The following SYNE1 variants were observed in gnomAD, a reference collection of about 807,000 sequenced individuals.
SYNE1 encodes the protein spectrin repeat containing nuclear envelope protein 1.
In SYNE1, 616 loss-of-function variants were observed where a neutral mutation model predicts 1,111.0. The ratio of observed to expected loss-of-function variants is 0.55; its 90% confidence interval spans 0.52 to 0.59. The LOEUF is 0.59. Ranked by LOEUF, SYNE1 falls within the 20% of genes least tolerant of loss-of-function variation. SYNE1 has a pLI of 0.00. For synonymous variants in SYNE1, 3,855 were observed against 3,825.8 expected (o/e 1.01, Z -0.28); for missense variants, 10,006 against 10,417.0 (o/e 0.96, Z 1.72).
intron 4 of SYNE1, among the ~76,000 whole-genome samples, chr6:152,534,225 T>A (rs2099222362): frequency 6.6e-6 from 1 of 151,912 alleles, no homozygotes; most frequent in Non-Finnish European, 1.5e-5. Flanking sequence ...AATAAAATAA[T>A]ATATTTCTAA....
chr6:152,405,659 T>C (rs1022913405), intron 45 of SYNE1, among the ~76,000 whole-genome samples: 1 of 152,200 alleles, frequency 6.6e-6, no homozygotes, highest in Middle Eastern at 3.2e-3. Flanking sequence ...AATTGACTTT[T>C]GCAAGCTGGT....
intron 92 of SYNE1, among the ~76,000 whole-genome samples, chr6:152,301,141 G>A (rs2095146601): frequency 1.3e-5 from 2 of 152,262 alleles, no homozygotes; most frequent in East Asian, 1.9e-4. Context: ...TTGGTCTTTT[G>A]TGGACATCTC....
chr6:152,636,405 G>A (rs902127241), intron 2 of SYNE1, among the ~76,000 whole-genome samples: 1 of 152,208 alleles, frequency 6.6e-6, no homozygotes, highest in Non-Finnish European at 1.5e-5. Context: ...TATTAATAGG[G>A]ACATCTACGT....
At chr6:152,485,076 CAATAT>C in intron 12 of SYNE1, 104 bp from the exon 13 acceptor site, 1 of 1,252,854 alleles carries the variant, frequency 8.0e-7, no homozygotes, top group Non-Finnish European at 1.1e-6. Context: ...GGATAACACT[CAATAT>C]ATGTTGTTGA....
chr6:152,525,571 A>C (rs2154353288), intron 5 of SYNE1, among the ~76,000 whole-genome samples: 1 of 152,336 alleles, frequency 6.6e-6, no homozygotes, highest in Non-Finnish European at 1.5e-5. Context: ...TCCACAGCAC[A>C]TAAAAACAAC....
intron 130 of SYNE1, among the ~76,000 whole-genome samples, chr6:152,176,191 C>T (rs1271848335): frequency 6.6e-6 from 1 of 152,034 alleles, no homozygotes; most frequent in African/African-American, 2.4e-5. Flanking sequence ...TACATACAAA[C>T]AACATGAGAT....
chr6:152,144,267 G>C (rs2059058033), intron 137 of SYNE1: 1 of 213,552 alleles, frequency 4.7e-6, no homozygotes, highest in South Asian at 8.1e-5. Context: ...TTTACTGAAG[G>C]CATAAATTCA....
intron 4 of SYNE1, among the ~76,000 whole-genome samples, chr6:152,530,031 T>C (rs1253392558): frequency 6.6e-6 from 1 of 152,192 alleles, no homozygotes; most frequent in African/African-American, 2.4e-5. Flanking sequence ...TCACTATAAA[T>C]ATAGTGTGGC....
In SYNE1 at chr6:152,236,283, A is replaced by G. The variant is rs1490620778; in HGVS notation, c.20220T>C (p.Asn6740=). The change falls in exon 110 of 146, where the codon AAT becomes AAC. Residue 6740 remains asparagine, a synonymous_variant. Coordinates refer to ENST00000367255, the MANE Select transcript of SYNE1 (RefSeq NM_182961.4). ...TLYQHLKSSL[N]EYQPKLYQVL... is the part of the protein sequence containing the mutation. The stretch of plus-strand genomic sequence containing the variant: ...CTTGATATAATTTGGGCTGGTATTC[A>G]TTAAGGCTAGATTTTAAATGCTAAA... 1.2e-6 allele frequency: 2 copies of G among 1,613,482 alleles called. No individual in the cohort carries two copies. Among genetic ancestry groups the G allele is most frequent in the East Asian group, 4.5e-5 (2 of 44,858 alleles).
chr6:152,394,907 C>T (rs537767795), intron 51 of SYNE1, among the ~76,000 whole-genome samples: 9 of 150,734 alleles, frequency 6.0e-5, no homozygotes, highest in Non-Finnish European at 1.0e-4. Flanking sequence ...CTCAGCCTCC[C>T]GGGTAGCTGG....
intron 128 of SYNE1, among the ~76,000 whole-genome samples, chr6:152,186,892 T>C (rs2070281694): frequency 6.6e-6 from 1 of 152,162 alleles, no homozygotes; most frequent in African/African-American, 2.4e-5. Flanking sequence ...CTGTGATAAT[T>C]TCCCACAATT....
At chr6:152,368,865 C>A (rs2097129865) in intron 61 of SYNE1, 107 bp downstream of exon 61, 1 of 1,444,280 alleles carries the variant, frequency 6.9e-7, no homozygotes, top group East Asian at 2.3e-5. Context: ...CCTGGAGACC[C>A]ACACTGTGGG....
chr6:152,206,294 G>C lies in SYNE1; in HGVS notation c.22893C>G (p.Leu7631=), dbSNP rs976720051. The change falls in exon 126 of 146, where the codon CTC becomes CTG. Residue 7631 remains leucine, a synonymous_variant. Coordinates refer to ENST00000367255, the MANE Select transcript of SYNE1 (RefSeq NM_182961.4). The stretch of plus-strand genomic sequence containing the variant: ...CAGCGCCACTGTCCGCCGAGAGAAG[G>C]AGTTGCTTGCCAGCCTCCACAGTCA... ...YILTVEAGKQ[L]LLSADSGAEA... 3.1e-6 allele frequency: 5 copies of C among 1,614,050 alleles called. No homozygotes were observed. Among genetic ancestry groups the C allele is most frequent in the Non-Finnish European group, 4.2e-6 (5 of 1,180,020 alleles).
At chr6:152,129,888 C>A (rs555974911) in intron 145 of SYNE1, among the ~76,000 whole-genome samples, 26 of 152,240 alleles carry the variant, frequency 1.7e-4, no homozygotes, top group African/African-American at 5.5e-4. Flanking sequence ...AAACAGGCTC[C>A]GAGGACAGTG....
chr6:152,150,540 T>A (rs1184865720), intron 135 of SYNE1, among the ~76,000 whole-genome samples: 3 of 152,248 alleles, frequency 2.0e-5, no homozygotes, highest in Non-Finnish European at 4.4e-5. Context: ...TGAGAATCCA[T>A]GTCTACGGGC....
chr6:152,462,403 C>A, intron 20 of SYNE1: 1 of 405,292 alleles, frequency 2.5e-6, no homozygotes, highest in Non-Finnish European at 4.3e-6. Flanking sequence ...ATGCAAATAC[C>A]ACAGTTCATG....
chr6:152,440,129 G>T (rs1254442621), intron 32 of SYNE1, among the ~76,000 whole-genome samples: 1 of 152,120 alleles, frequency 6.6e-6, no homozygotes, highest in East Asian at 1.9e-4. Flanking sequence ...CACATCTTTT[G>T]TATCTGTTTC....
At chr6:152,456,382 T>A (rs894592834) in intron 22 of SYNE1, among the ~76,000 whole-genome samples, 2 of 152,124 alleles carry the variant, frequency 1.3e-5, no homozygotes, top group African/African-American at 4.8e-5. Context: ...ATGATAGGCC[T>A]GTTGTTTATT....
chr6:152,282,075 A>G lies in SYNE1; in HGVS notation c.18208-95T>C, dbSNP rs759640029. The G allele has an allele frequency of 2.7e-4, 360 of 1,316,178 alleles. 2 individuals carry two copies. Among genetic ancestry groups the G allele is most frequent in the Non-Finnish European group, 3.6e-4 (332 of 930,940 alleles). The allele number at this position is 1,316,178 out of a possible 1,614,324, so 81.5% of individuals were successfully genotyped here. On this transcript the variant is annotated intron_variant, in intron 96 of 145. Coordinates refer to ENST00000367255, the MANE Select transcript of SYNE1 (RefSeq NM_182961.4). ...CAATGGTTCCAGGCCCTGGCTGTAC[A>G]TAAGAATCACTGGTAAAACTTTTAA...
Sources: gnomAD v4.1 joint callset for allele counts (sites outside exome capture counted in the v4.1 genomes callset) on GRCh38, gnomAD v4.1.1 for gene constraint, MANE v1.5 for transcripts, NCBI Gene and HGNC (gene_info 2026-07-23, HGNC 2026-07-21) for gene names.